TXK: variants seen among roughly 807,000 people sequenced by gnomAD.
TXK encodes the protein tyrosine-protein kinase TXK.
A neutral mutation model predicts 81.0 loss-of-function variants in TXK; 60 were observed. The ratio of observed to expected loss-of-function variants is 0.74; its 90% CI spans 0.60 to 0.92. The LOEUF (loss-of-function observed/expected upper bound fraction) is 0.92. Among genes scored for constraint, TXK ranks in the 40% least tolerant of loss-of-function variants. TXK has a pLI of 0.00. For missense variants in TXK, 581 were observed against 638.3 expected (o/e 0.91, Z 0.97); for synonymous variants, 203 against 210.7 (o/e 0.96, Z 0.32).
intron 6 of TXK, among the ~76,000 whole-genome samples, chr4:48,097,384 T>G (rs1303030554): frequency 6.6e-6 from 1 of 151,408 alleles, no homozygotes; most frequent in Non-Finnish European, 1.5e-5. Flanking sequence ...ATGGACCTGT[T>G]GAGTAGAAAA....
At chr4:48,103,566 C>T (rs771584435) in intron 6 of TXK, among the ~76,000 whole-genome samples, 12 of 152,194 alleles carry the variant, frequency 7.9e-5, no homozygotes, top group African/African-American at 2.7e-4. Flanking sequence ...ATTTCTCATT[C>T]GCATTTCTAG....
At position 48,132,818 on chromosome 4, in the gene TXK, C is replaced by T. The variant is rs1242965780; in HGVS notation, c.16+1337G>A. ...AAAACTAGCCAGGCATGGTGGCATG[C>T]GCCTGTAGTCCCAGCTACTCGGGAG... is the stretch of plus-strand genomic sequence containing the variant. On this transcript the variant is annotated intron_variant, in intron 1 of 14. Transcript: ENST00000264316. Among the ~76,000 whole-genome samples, 6 of 151,960 alleles carry T rather than the reference C, an allele frequency of 3.9e-5. No individual in the cohort carries two copies. The East Asian group carries it at 5.8e-4, about 15-fold the overall frequency.
chr4:48,110,531 G>A lies in TXK; in HGVS notation c.446+7C>T. The A allele has an allele frequency of 6.3e-7, 1 of 1,593,856 alleles. No individual in the cohort carries two copies. The highest frequency in any genetic ancestry group is 8.6e-7 in the Non-Finnish European group (1 of 1,162,554). Reference sequence around the variant, plus strand: ...TTTTCATAGGTTATATTTTGGAGAAGACTTACTCATATATTTCTAAATTAG... The same window carrying A: ...TTTTCATAGGTTATATTTTGGAGAAAACTTACTCATATATTTCTAAATTAG... On this transcript the variant is annotated splice_region_variant and intron_variant, in intron 5 of 14. Transcript: ENST00000264316.
At chr4:48,093,501 A>G (rs887616976) in intron 8 of TXK, among the ~76,000 whole-genome samples, 6 of 152,224 alleles carry the variant, frequency 3.9e-5, no homozygotes, top group Non-Finnish European at 5.9e-5. Context: ...GGGATCCTAC[A>G]TCTTTCCACA....
chr4:48,111,561 C>A (rs1253482338), intron 4 of TXK, among the ~76,000 whole-genome samples: 1 of 152,194 alleles, frequency 6.6e-6, no homozygotes, highest in Non-Finnish European at 1.5e-5. Flanking sequence ...CAGTCCTGAA[C>A]CTACTAATGC....
In TXK at chr4:48,066,702, G is replaced by T. The variant is rs1296426564; in HGVS notation, c.*935C>A. 6.6e-6 allele frequency: 1 copy of T among 152,142 alleles called. No individual in the cohort carries two copies. Among genetic ancestry groups the T allele is most frequent in the Non-Finnish European group, 1.5e-5 (1 of 68,024 alleles). The allele number at this position is 152,142 out of a possible 1,614,324, so 9.4% of individuals were successfully genotyped here. On this transcript the variant is annotated 3_prime_UTR_variant, in exon 15 of 15. Coordinates refer to ENST00000264316, the MANE Select transcript of TXK (RefSeq NM_003328.3). ...CTGATCATTCCTACAAAGAGTGCAG[G>T]CAAAGTTAAGATTTAACTGTGATTG... is the stretch of plus-strand genomic sequence containing the variant.
At chr4:48,124,403 AGG>A (rs2109484132) in intron 1 of TXK, among the ~76,000 whole-genome samples, 1 of 152,210 alleles carries the variant, frequency 6.6e-6, no homozygotes, top group Non-Finnish European at 1.5e-5. Context: ...TCTCAATCTC[AGG>A]GACTGCATCT....
chr4:48,084,558 C>T (rs532762577), intron 10 of TXK, among the ~76,000 whole-genome samples: 5 of 152,234 alleles, frequency 3.3e-5, no homozygotes, highest in South Asian at 2.1e-4. Context: ...TAATCCAACA[C>T]AGGAATACAA....
chr4:48,070,004 T>C (rs1716774259), intron 14 of TXK, among the ~76,000 whole-genome samples: 1 of 152,244 alleles, frequency 6.6e-6, no homozygotes, highest in South Asian at 2.1e-4. Context: ...ATATGTAAAA[T>C]ATTTTCATAC....
At chr4:48,118,111 G>T (rs1718858570) in intron 1 of TXK, among the ~76,000 whole-genome samples, 2 of 152,092 alleles carry the variant, frequency 1.3e-5, no homozygotes, top group Admixed American at 1.3e-4. Flanking sequence ...TTTTACCATT[G>T]CCCATGAATC....
chr4:48,124,060 G>T (rs147001017), intron 1 of TXK, among the ~76,000 whole-genome samples: 2 of 152,192 alleles, frequency 1.3e-5, no homozygotes, highest in African/African-American at 2.4e-5. Flanking sequence ...GCACAGTCCT[G>T]CCCTGTGGTT....
intron 8 of TXK, among the ~76,000 whole-genome samples, chr4:48,093,843 A>G (rs533425991): frequency 6.6e-6 from 1 of 152,362 alleles, no homozygotes; most frequent in South Asian, 2.1e-4. Flanking sequence ...GTCATCTATC[A>G]TTTTTCTAAC....
intron 1 of TXK, among the ~76,000 whole-genome samples, chr4:48,123,599 C>T (rs1352605875): frequency 5.9e-5 from 9 of 152,144 alleles, no homozygotes; most frequent in African/African-American, 9.7e-5. Flanking sequence ...TGCATTAATT[C>T]GCTTAGTCCT....
chr4:48,094,893 C>T (rs954824202), intron 7 of TXK, among the ~76,000 whole-genome samples: 3 of 152,174 alleles, frequency 2.0e-5, no homozygotes, highest in Admixed American at 1.3e-4. Context: ...ATGAGGAAAG[C>T]GCCCAACAGC....
At chr4:48,103,759 C>G (rs887162368) in intron 6 of TXK, among the ~76,000 whole-genome samples, 4 of 152,166 alleles carry the variant, frequency 2.6e-5, no homozygotes, top group African/African-American at 9.7e-5. Context: ...TTTGGCTATT[C>G]TACTCTTTCC....
intron 14 of TXK, among the ~76,000 whole-genome samples, chr4:48,068,035 G>A (rs1378661479): frequency 6.6e-6 from 1 of 152,162 alleles, no homozygotes; most frequent in Non-Finnish European, 1.5e-5. Flanking sequence ...GAAAATGTTA[G>A]AGAATGTTGC....
At chr4:48,083,623 T>C (rs192924887) in intron 10 of TXK, among the ~76,000 whole-genome samples, 26 of 152,358 alleles carry the variant, frequency 1.7e-4, no homozygotes, top group African/African-American at 6.3e-4. Flanking sequence ...GGGATCTTAA[T>C]AGAAGCTACC....
chr4:48,068,039 A>T (rs1258566843), intron 14 of TXK, among the ~76,000 whole-genome samples: 1 of 152,148 alleles, frequency 6.6e-6, no homozygotes, highest in Non-Finnish European at 1.5e-5. Context: ...ATGTTAGAGA[A>T]TGTTGCAAAA....
rs184496288 is a variant in TXK, at chr4:48,104,955, C to A, written c.447G>T (p.Glu149Asp). 4 of 1,577,620 alleles carry A rather than the reference C, an allele frequency of 2.5e-6. No individual in the cohort carries two copies. The highest frequency in any genetic ancestry group is 2.6e-6 in the Non-Finnish European group (3 of 1,162,676). ...ENKITNLEIYEWYHRNITRNQ... is the reference protein window; with the variant it reads ...ENKITNLEIYDWYHRNITRNQ... The stretch of plus-strand genomic sequence containing the variant: ...TTCTGGTAATGTTTCTATGGTACCA[C>A]CTGTAAAAGCAATAAAAATGATTTT... Residue 149 changes from glutamate (E) to aspartate (D), a missense_variant and splice_region_variant, in exon 6 of 15, where the codon GAG becomes GAT. Physicochemically the swap from Glu to Asp is conservative, Grantham distance 45. Transcript: ENST00000264316.
Sources: gnomAD v4.1 joint callset for allele counts (sites outside exome capture counted in the v4.1 genomes callset) on GRCh38, gnomAD v4.1.1 for gene constraint, MANE v1.5 for transcripts, NCBI Gene and HGNC (gene_info 2026-07-23, HGNC 2026-07-21) for gene names.